Variants in PRKAR1B observed in about 807,000 individuals in gnomAD.
The protein encoded by PRKAR1B is cAMP-dependent protein kinase type I-beta regulatory subunit.
Under a neutral mutation model 46.5 loss-of-function variants are expected in PRKAR1B, and 22 were observed. The ratio of observed to expected loss-of-function variants is 0.47; its 90% CI spans 0.34 to 0.68. The LOEUF (loss-of-function observed/expected upper bound fraction) is 0.68, where lower values mean the gene tolerates loss of function less well. Ranked by LOEUF, PRKAR1B falls within the 30% of genes least tolerant of loss-of-function variation. The pLI is 0.01. For missense variants in PRKAR1B, 445 were observed against 535.6 expected (o/e 0.83, Z 1.67); for synonymous variants, 259 against 217.7 (o/e 1.19, Z -1.67).
chr7:642,189 C>G (rs1056155263), intron 4 of PRKAR1B, among the ~76,000 whole-genome samples: 6 of 152,296 alleles, frequency 3.9e-5, no homozygotes, highest in African/African-American at 1.4e-4. Flanking sequence ...AGCCACCGCA[C>G]CCACCCGACT....
At chr7:635,391 G>T (rs1450239663) in intron 4 of PRKAR1B, among the ~76,000 whole-genome samples, 1 of 152,234 alleles carries the variant, frequency 6.6e-6, no homozygotes, top group Non-Finnish European at 1.5e-5. Flanking sequence ...GAAAACAGGG[G>T]TCAGAGCAGC....
chr7:728,467 G>A (rs1781442527), upstream of PRKAR1B, among the ~76,000 whole-genome samples: 1 of 152,214 alleles, frequency 6.6e-6, no homozygotes, highest in Admixed American at 6.5e-5. Flanking sequence ...CAGAAGTAGA[G>A]GAAGAGCTGG....
At chr7:567,834 G>GAC (rs199861726) in intron 9 of PRKAR1B, among the ~76,000 whole-genome samples, 11,753 of 152,074 alleles carry the variant, frequency 0.077, 553 homozygotes, top group Non-Finnish European at 0.1. Context: ...AACTCATAGA[G>GAC]ACAGAAAGGA....
intron 2 of PRKAR1B, among the ~76,000 whole-genome samples, chr7:703,646 A>ACTCTGTCT (rs1181340126): frequency 2.8e-5 from 4 of 145,436 alleles, no homozygotes; most frequent in Non-Finnish European, 6.0e-5. Context: ...ACAGAGCAAG[A>ACTCTGTCT]CTCTGTCTCA....
chr7:581,299 T>A (rs1341188304), intron 8 of PRKAR1B, among the ~76,000 whole-genome samples: 1 of 101,990 alleles, frequency 9.8e-6, no homozygotes. Flanking sequence ...CAACACTCTG[T>A]CTCAAAAAAA....
chr7:672,673 G>C (rs954929668), intron 4 of PRKAR1B, among the ~76,000 whole-genome samples: 1 of 151,562 alleles, frequency 6.6e-6, no homozygotes, highest in African/African-American at 2.4e-5. Flanking sequence ...TTCGAGACCA[G>C]CCTGGCCAAC....
chr7:687,087 GC>G (rs1358358186), intron 2 of PRKAR1B, among the ~76,000 whole-genome samples: 1 of 152,158 alleles, frequency 6.6e-6, no homozygotes, highest in Non-Finnish European at 1.5e-5. Flanking sequence ...CCCTAGGCTA[GC>G]CATTTTTCCA....
chr7:658,608 T>G (rs367979544), intron 4 of PRKAR1B, among the ~76,000 whole-genome samples: 7 of 152,218 alleles, frequency 4.6e-5, no homozygotes, highest in Admixed American at 3.9e-4. Flanking sequence ...AAAGCCACTC[T>G]TCTTTCATAT....
chr7:599,626 C>T (rs571292141), intron 6 of PRKAR1B, among the ~76,000 whole-genome samples: 90 of 152,352 alleles, frequency 5.9e-4, no homozygotes, highest in African/African-American at 1.9e-3. Context: ...GGGTCCCCCG[C>T]GGGGCAGCAT....
At position 711,199 on chromosome 7, in the gene PRKAR1B, G is replaced by A. The variant is rs1583451923; in HGVS notation, c.177+130C>T. The A allele has an allele frequency of 6.2e-6, 8 of 1,295,824 alleles. No individual in the cohort carries two copies. In the South Asian group the frequency reaches 1.1e-4, roughly 18 times the overall value. The allele number at this position is 1,295,824 out of a possible 1,614,324, so 80.3% of individuals were successfully genotyped here. ...TCTCCCCGCGCTTCTGGAAGGACCTGCAGGACGGCAGACAGTCTCTGGGGC... is the reference window on the plus strand; with the variant it reads ...TCTCCCCGCGCTTCTGGAAGGACCTACAGGACGGCAGACAGTCTCTGGGGC... On this transcript the variant is annotated intron_variant, in intron 2 of 10. Coordinates refer to ENST00000537384, the MANE Select transcript of PRKAR1B (RefSeq NM_001164760.2).
intron 3 of PRKAR1B, among the ~76,000 whole-genome samples, chr7:680,054 A>T (rs188595325): frequency 1.1e-4 from 16 of 150,372 alleles, no homozygotes; most frequent in Admixed American, 2.0e-4. Context: ...GCTACTCGGG[A>T]GGCTGAGGCA....
intron 4 of PRKAR1B, among the ~76,000 whole-genome samples, chr7:673,067 A>AAC (rs1786365176): frequency 1.4e-5 from 2 of 143,024 alleles, no homozygotes; most frequent in Non-Finnish European, 1.5e-5. Context: ...AAAAAAAAAA[A>AAC]AAAAAAAAAA....
chr7:601,045 G>A (rs1196656814), intron 6 of PRKAR1B, among the ~76,000 whole-genome samples: 4 of 152,168 alleles, frequency 2.6e-5, no homozygotes, highest in East Asian at 1.9e-4. Context: ...AGAGGGCAGC[G>A]TCCACCCTGC....
At position 701,286 on chromosome 7, in the gene PRKAR1B, GAAAGAAAGAAAGAA is replaced by G. The variant is rs1242701945; in HGVS notation, c.177+10029_177+10042del. Among the ~76,000 whole-genome samples the G allele has an allele frequency of 1.5e-4, 20 of 133,032 alleles. No individual in the cohort carries two copies. The East Asian group carries it at 2.0e-3, about 13-fold the overall frequency. The allele number at this position is 133,032 out of a possible 152,430, so 87.3% of individuals were successfully genotyped here. On this transcript the variant is annotated intron_variant, in intron 2 of 10. Coordinates refer to ENST00000537384, the MANE Select transcript of PRKAR1B (RefSeq NM_001164760.2). ...GAAGGAAAAAAGAAAGAAAGAAAGA[GAAAGAAAGAAAGAA>G]AAAGAAAGAAAGAAAGAAAAGAAAG...
At chr7:607,321 A>AT (rs1180129687) in intron 5 of PRKAR1B, 70 bp downstream of exon 5, 4,318 of 1,256,386 alleles carry the variant, frequency 3.4e-3, no homozygotes, top group Non-Finnish European at 3.8e-3. Context: ...CCCTTATGCT[A>AT]TTTTTTTTTT....
chr7:621,215 G>A (rs1783093876), intron 4 of PRKAR1B, among the ~76,000 whole-genome samples: 2 of 152,170 alleles, frequency 1.3e-5, no homozygotes, highest in Admixed American at 1.3e-4. Flanking sequence ...ACAGTTTGCT[G>A]ATGTTTGAAA....
In PRKAR1B at chr7:596,254, G is replaced by A. The variant is rs374924347; in HGVS notation, c.600C>T (p.Phe200=). 1.2e-5 allele frequency: 20 copies of A among 1,613,800 alleles called. No homozygotes were observed. The highest frequency in any genetic ancestry group is 1.6e-4 in the Middle Eastern group (1 of 6,080). ...TGCCGTAGATGAGCGCCAGCTCCCC[G>A]AAGCTGCCTCCCTCGCTGATGTTGG... ...WVTNISEGGS[F]GELALIYGTP... The change falls in exon 7 of 11, where the codon TTC becomes TTT. Residue 200 remains phenylalanine, a synonymous_variant. Coordinates refer to ENST00000537384, the MANE Select transcript of PRKAR1B (RefSeq NM_001164760.2).
intron 4 of PRKAR1B, among the ~76,000 whole-genome samples, chr7:668,096 G>A (rs1480604739): frequency 1.3e-5 from 2 of 152,214 alleles, no homozygotes; most frequent in Admixed American, 1.3e-4. Flanking sequence ...TTGTACGGAG[G>A]GGTCATTAGG....
chr7:561,132 A>AAC (rs35193364), intron 9 of PRKAR1B, among the ~76,000 whole-genome samples: 120 of 146,750 alleles, frequency 8.2e-4, no homozygotes, highest in Middle Eastern at 3.5e-3. Context: ...CAGGCACACA[A>AAC]ACACACACAC....
Sources: allele counts gnomAD v4.1 joint callset (sites outside exome capture counted in the v4.1 genomes callset), GRCh38; gene constraint gnomAD v4.1.1; transcripts MANE v1.5; gene names NCBI Gene and HGNC (gene_info 2026-07-23, HGNC 2026-07-21).